Variants in NOS1 observed in about 807,000 individuals in gnomAD.
NOS1 encodes nitric oxide synthase 1, also known as NOS type I.
In NOS1, 51 loss-of-function variants were observed where a neutral mutation model predicts 164.5. The observed-to-expected ratio is 0.31, with a 90% CI of 0.25 to 0.39. NOS1 has a LOEUF of 0.39. Among genes scored for constraint, NOS1 ranks in the 10% least tolerant of loss-of-function variants. NOS1 has a pLI of 1.00. For synonymous variants in NOS1, 719 were observed against 745.8 expected, an observed-to-expected ratio of 0.96 and a Z score of 0.59; for missense variants, 1,362 against 1,885.6, an observed-to-expected ratio of 0.72 and a Z score of 5.14.
chr12:117,286,210 G>C lies in NOS1; in HGVS notation c.1184C>G (p.Thr395Ser). ...GTCCTTGAGCTGGTAAGTGCTAGTGGTGTCGATCTCTTTGTTCACCTCTTC... is the reference window on the plus strand; with the variant it reads ...GTCCTTGAGCTGGTAAGTGCTAGTGCTGTCGATCTCTTTGTTCACCTCTTC... The part of the protein sequence containing the change: ...RLEEVNKEID[T>S]TSTYQLKDTE... Residue 395 changes from threonine (T) to serine (S), a missense_variant, in exon 6 of 29, where the codon ACC becomes AGC. Thr to Ser is a moderately conservative substitution (Grantham distance 58). This residue lies in a region of NOS1 where 129 missense variants were observed against 186.0 expected (regional missense o/e 0.69). Coordinates refer to ENST00000317775, the MANE Select transcript of NOS1 (RefSeq NM_000620.5). 1 of 1,614,216 alleles carries C rather than the reference G, an allele frequency of 6.2e-7. No homozygotes were observed. The highest frequency in any genetic ancestry group is 8.5e-7 in the Non-Finnish European group (1 of 1,180,046).
intron 8 of NOS1, among the ~76,000 whole-genome samples, chr12:117,280,145 C>T (rs1873516219): frequency 6.6e-6 from 1 of 152,158 alleles, no homozygotes; most frequent in African/African-American, 2.4e-5. Context: ...CTGGAAGGAA[C>T]TCTGGGCAGG....
At chr12:117,273,597 T>C (rs1189776261) in intron 9 of NOS1, among the ~76,000 whole-genome samples, 2 of 152,194 alleles carry the variant, frequency 1.3e-5, no homozygotes, top group Non-Finnish European at 2.9e-5. Flanking sequence ...AAACCACAGT[T>C]ACTTTTTGCA....
intron 3 of NOS1, among the ~76,000 whole-genome samples, chr12:117,310,595 A>G (rs499813): frequency 0.87 from 132,476 of 152,190 alleles, 57,992 homozygotes; most frequent in African/African-American, 0.97. Flanking sequence ...CTATGTGACT[A>G]GGATTAGGAA....
chr12:117,221,683 G>A (rs549834004), intron 26 of NOS1, among the ~76,000 whole-genome samples: 1 of 151,696 alleles, frequency 6.6e-6, no homozygotes, highest in African/African-American at 2.4e-5. Context: ...GCCCAGGGTG[G>A]AGTGCAGTGG....
Position 117,208,526 on chromosome 12 carries a change from A to G in NOS1, c.*6783T>C, listed in dbSNP as rs1255250346. 1.2e-5 allele frequency: 15 copies of G among 1,222,198 alleles called. No homozygotes were observed. Among genetic ancestry groups the G allele is most frequent in the African/African-American group, 1.6e-5 (1 of 63,966 alleles). The allele number at this position is 1,222,198 out of a possible 1,614,324, so 75.7% of individuals were successfully genotyped here. The stretch of plus-strand genomic sequence containing the variant: ...CGCTCTTTGGGCCTTCTGGAAAACC[A>G]CTGCTGAGCCAGGAGTGTGAGTCTT... On this transcript the variant is annotated 3_prime_UTR_variant, in exon 29 of 29. Coordinates refer to ENST00000317775, the MANE Select transcript of NOS1 (RefSeq NM_000620.5).
intron 20 of NOS1, among the ~76,000 whole-genome samples, chr12:117,242,174 AAC>A (rs1242680794): frequency 3.3e-5 from 5 of 152,242 alleles, no homozygotes; most frequent in Non-Finnish European, 7.3e-5. Context: ...AGGACTTCAA[AAC>A]ACAGAGTGGG....
chr12:117,226,453 A>G (rs933426862), intron 24 of NOS1, among the ~76,000 whole-genome samples: 3 of 152,080 alleles, frequency 2.0e-5, no homozygotes, highest in Admixed American at 6.5e-5. Context: ...TACACGCCCA[A>G]ATGAAATGTG....
At position 117,225,129 on chromosome 12, in the gene NOS1, C is replaced by G. The variant is rs1868543095; in HGVS notation, c.3713G>C (p.Ser1238Thr). Residue 1238 changes from serine to threonine, a missense_variant, in exon 25 of 29, where the codon AGC becomes ACC. By Grantham distance (58) the Ser-to-Thr change is moderately conservative. This residue lies in a region of NOS1 where 737 missense variants were observed against 1,030.3 expected (regional missense o/e 0.72). Coordinates refer to ENST00000317775, the MANE Select transcript of NOS1 (RefSeq NM_000620.5). ...TTGGGGGTTCCGGGGCAGGTGGAAGCTGGGTGCTCTGGGCAAGGAAGAGGG... is the reference window on the plus strand; with the variant it reads ...TTGGGGGTTCCGGGGCAGGTGGAAGGTGGGTGCTCTGGGCAAGGAAGAGGG... ...LVPCFVRGAP[S>T]FHLPRNPQVP... 1.9e-6 allele frequency: 3 copies of G among 1,611,858 alleles called. No homozygotes were observed. The highest frequency in any genetic ancestry group is 8.5e-7 in the Non-Finnish European group (1 of 1,178,896).
At chr12:117,257,392 A>G (rs984597798) in intron 16 of NOS1, among the ~76,000 whole-genome samples, 3 of 152,058 alleles carry the variant, frequency 2.0e-5, no homozygotes, top group Non-Finnish European at 2.9e-5. Flanking sequence ...CATCAATGGT[A>G]AGTTTGATTA....
At position 117,258,440 on chromosome 12, in the gene NOS1, A is replaced by C; in HGVS notation, c.2488T>G (p.Leu830Val). ...GAGTTGGGGTGCCTCATTTCCATCA[A>C]AGCACAGCCGAATTTCTGGAAGCCA... ...PENGEKFGCA[L>V]MEMRHPNSVQ... Residue 830 changes from leucine (L) to valine (V), a missense_variant, in exon 16 of 29, where the codon TTG becomes GTG. Coordinates refer to ENST00000317775, the MANE Select transcript of NOS1 (RefSeq NM_000620.5). The C allele has an allele frequency of 6.2e-7, 1 of 1,614,136 alleles. No homozygotes were observed. The highest frequency in any genetic ancestry group is 8.5e-7 in the Non-Finnish European group (1 of 1,180,006).
intron 17 of NOS1, among the ~76,000 whole-genome samples, chr12:117,251,950 C>T (rs1871136304): frequency 6.6e-6 from 1 of 152,042 alleles, no homozygotes; most frequent in Admixed American, 6.6e-5. Flanking sequence ...CCAGGCTGGT[C>T]TCAAACTCCT....
At chr12:117,286,906 T>C (rs1383949493) in intron 5 of NOS1, among the ~76,000 whole-genome samples, 2 of 152,166 alleles carry the variant, frequency 1.3e-5, no homozygotes, top group South Asian at 2.1e-4. Flanking sequence ...TCATTTTGCA[T>C]GTTTAAAGCA....
chr12:117,282,563 T>A (rs1873758905), intron 7 of NOS1, among the ~76,000 whole-genome samples: 1 of 152,106 alleles, frequency 6.6e-6, no homozygotes, highest in African/African-American at 2.4e-5. Flanking sequence ...CTGAGCACGG[T>A]TTTTAGGTCT....
In NOS1 at chr12:117,220,223, TAC is replaced by T; in HGVS notation, c.4020_4021del (p.Tyr1341ProfsTer21). On this transcript the variant is annotated frameshift_variant, in exon 27 of 29. Transcript: ENST00000317775. LOFTEE classifies it high-confidence loss of function. ...GCCCCCTTGCTCCTTCAGGGCTCGG[TAC>T]ACAGACTCCGCCAGCTGCTCCTGCA... The T allele has an allele frequency of 6.2e-7, 1 of 1,613,166 alleles. No individual in the cohort carries two copies. The highest frequency in any genetic ancestry group is 8.5e-7 in the Non-Finnish European group (1 of 1,179,890).
rs200659159 is a variant in NOS1, at chr12:117,279,394, A to C, written c.1525-1296T>G. 2.4e-4 allele frequency among the ~76,000 whole-genome samples: 37 copies of C among 152,072 alleles called. No individual in the cohort carries two copies. The South Asian group carries it at 6.0e-3, about 25-fold the overall frequency. On this transcript the variant is annotated intron_variant, in intron 8 of 28. Transcript: ENST00000317775. Reference sequence around the variant, plus strand: ...AAAAACAAAAAAAAAACCAAAAAAAACAAACCAAGATCAATGAGTTATTTC... The same window carrying C: ...AAAAACAAAAAAAAAACCAAAAAAACCAAACCAAGATCAATGAGTTATTTC...
chr12:117,358,082 C>G (rs1448105623), intron 1 of NOS1, among the ~76,000 whole-genome samples: 1 of 152,210 alleles, frequency 6.6e-6, no homozygotes, highest in Admixed American at 6.5e-5. Flanking sequence ...GAGTGACAGG[C>G]AACACATGAA....
chr12:117,282,752 C>T (rs1277194257), intron 7 of NOS1, among the ~76,000 whole-genome samples: 1 of 152,174 alleles, frequency 6.6e-6, no homozygotes, highest in East Asian at 1.9e-4. Context: ...ACAGTTTTCC[C>T]TCCAGCACTA....
intron 1 of NOS1, among the ~76,000 whole-genome samples, chr12:117,344,794 T>C (rs1379160304): frequency 6.6e-6 from 1 of 152,182 alleles, no homozygotes; most frequent in African/African-American, 2.4e-5. Context: ...TACGTGCATT[T>C]ATATGGGGAA....
At position 117,272,871 on chromosome 12, in the gene NOS1, C is replaced by A. The variant is rs1336633981; in HGVS notation, c.1665-312G>T. 6.6e-6 allele frequency among the ~76,000 whole-genome samples: 1 copy of A among 152,206 alleles called. No homozygotes were observed. The highest frequency in any genetic ancestry group is 1.5e-5 in the Non-Finnish European group (1 of 68,042). On this transcript the variant is annotated intron_variant, in intron 9 of 28. Transcript: ENST00000317775. The surrounding 1 kb of genome is among the most constrained non-coding windows in gnomAD (Gnocchi z 4.3). Reference sequence around the variant, plus strand: ...GAGAAAGTGTGGGGACCTCTCTCCCCCTTCCCCGACTGAGCACCCTCCTAC... The same window carrying A: ...GAGAAAGTGTGGGGACCTCTCTCCCACTTCCCCGACTGAGCACCCTCCTAC...
Sources: gnomAD v4.1 joint callset for allele counts (sites outside exome capture counted in the v4.1 genomes callset) on GRCh38, gnomAD v4.1.1 for gene constraint, gnomAD v4.1.1 regional missense constraint, Gnocchi (gnomAD v3.1) non-coding constraint, MANE v1.5 for transcripts, NCBI Gene and HGNC (gene_info 2026-07-23, HGNC 2026-07-21) for gene names.